The following CLTB variants were observed in gnomAD, a reference collection of about 807,000 sequenced individuals.
CLTB encodes the protein clathrin light chain B, also known as clathrin, light chain (Lcb).
In CLTB, 10 loss-of-function variants were observed where a neutral mutation model predicts 30.5. The observed-to-expected ratio is 0.33, with a 90% CI of 0.20 to 0.56. The LOEUF (loss-of-function observed/expected upper bound fraction) is 0.56. Among genes scored for constraint, CLTB ranks in the 20% least tolerant of loss-of-function variants. The pLI is 0.91. For missense variants in CLTB, 261 were observed against 308.3 expected, an observed-to-expected ratio of 0.85 and a Z score of 1.15; for synonymous variants, 102 against 120.3, an observed-to-expected ratio of 0.85 and a Z score of 1.00.
At chr5:176,399,205 C>T (rs1296468591) in intron 2 of CLTB, among the ~76,000 whole-genome samples, 1 of 152,100 alleles carries the variant, frequency 6.6e-6, no homozygotes, top group Non-Finnish European at 1.5e-5. Flanking sequence ...CATCTCTGTC[C>T]TTTTCACTGC....
rs901744297 is a variant in CLTB at position 176,393,255 on chromosome 5, C to T, written c.519-310G>A. Among the ~76,000 whole-genome samples, 1 of 152,170 alleles carries T rather than the reference C, an allele frequency of 6.6e-6. No homozygotes were observed. The highest frequency in any genetic ancestry group is 2.4e-5 in the African/African-American group (1 of 41,438). The stretch of plus-strand genomic sequence containing the variant: ...TCAGAAAGTCTTCCCAGCCTAGGCA[C>T]CCTCTGTTCATTACTTCCCCATCGG... On this transcript the variant is annotated intron_variant, in intron 5 of 5. Transcript: ENST00000310418. This position sits in a 1 kb window ranked among gnomAD's most constrained non-coding sequence, Gnocchi z 4.4.
intron 2 of CLTB, among the ~76,000 whole-genome samples, chr5:176,404,294 C>G (rs915446058): frequency 6.6e-6 from 1 of 152,214 alleles, no homozygotes; most frequent in African/African-American, 2.4e-5. Context: ...GGTCTCATGG[C>G]CCGCCTTCCT....
chr5:176,411,389 G>A (rs186149556), intron 1 of CLTB, among the ~76,000 whole-genome samples: 107 of 152,136 alleles, frequency 7.0e-4, no homozygotes, highest in African/African-American at 2.5e-3. Context: ...GGCCTATAGC[G>A]CCTACTCCTG....
At chr5:176,410,575 GC>G (rs1757373862) in intron 1 of CLTB, among the ~76,000 whole-genome samples, 1 of 152,172 alleles carries the variant, frequency 6.6e-6, no homozygotes, top group South Asian at 2.1e-4. Context: ...TCAAGCTGAG[GC>G]TCAGAGAGGC....
intron 2 of CLTB, 74 bp from the exon 3 acceptor site, chr5:176,398,121 C>T (rs1452270659): frequency 7.4e-7 from 1 of 1,358,166 alleles, no homozygotes; most frequent in African/African-American, 1.4e-5. Context: ...CTGCTGGGGA[C>T]CCACTCATGT....
intron 1 of CLTB, among the ~76,000 whole-genome samples, chr5:176,412,452 T>C (rs1757493019): frequency 6.6e-6 from 1 of 152,150 alleles, no homozygotes; most frequent in South Asian, 2.1e-4. Flanking sequence ...GAGCAGTAAC[T>C]ATTGGCTAAA....
At chr5:176,401,147 C>T (rs1316567106) in intron 2 of CLTB, among the ~76,000 whole-genome samples, 1 of 152,238 alleles carries the variant, frequency 6.6e-6, no homozygotes, top group East Asian at 1.9e-4. Flanking sequence ...ACTGCTGCTC[C>T]TTTCTGGGAA....
chr5:176,408,227 CTT>C (rs548324556), intron 2 of CLTB, among the ~76,000 whole-genome samples: 30 of 144,162 alleles, frequency 2.1e-4, no homozygotes, highest in African/African-American at 6.1e-4. Flanking sequence ...GGGTTTTCCT[CTT>C]TTTTTTTTTT....
intron 2 of CLTB, among the ~76,000 whole-genome samples, chr5:176,403,049 AT>A (rs34807992): frequency 2.6e-3 from 362 of 137,958 alleles, no homozygotes; most frequent in Admixed American, 3.2e-3. Flanking sequence ...GCCTGCCCTA[AT>A]TTTTTTTTTT....
At chr5:176,402,276 T>A (rs1756861635) in intron 2 of CLTB, among the ~76,000 whole-genome samples, 1 of 152,106 alleles carries the variant, frequency 6.6e-6, no homozygotes, top group East Asian at 1.9e-4. Flanking sequence ...CCAGCCTAGG[T>A]AACAGAGCGA....
At chr5:176,411,306 C>T (rs1757417584) in intron 1 of CLTB, among the ~76,000 whole-genome samples, 1 of 152,184 alleles carries the variant, frequency 6.6e-6, no homozygotes, top group African/African-American at 2.4e-5. Flanking sequence ...CATGCACTTA[C>T]CTGTGCCTCT....
chr5:176,406,732 A>G (rs1353437903), intron 2 of CLTB: 4 of 1,277,632 alleles, frequency 3.1e-6, no homozygotes, highest in Non-Finnish European at 4.1e-6. Context: ...GAAGAAAGGA[A>G]GCACAAAAGC....
chr5:176,409,176 G>A (rs868222945), intron 2 of CLTB, among the ~76,000 whole-genome samples: 3 of 151,174 alleles, frequency 2.0e-5, no homozygotes, highest in Admixed American at 1.3e-4. Context: ...CGGTTTCACC[G>A]TGTTAGCCAG....
rs201872281 is a variant in CLTB, at chr5:176,411,972, C to G, written c.188-1669G>C. Among the ~76,000 whole-genome samples the G allele has an allele frequency of 5.6e-4, 85 of 152,000 alleles. No homozygotes were observed. In the East Asian group the frequency reaches 0.011, roughly 20 times the overall value. ...TGGGCAGATCACGAAGTCAGGAGAT[C>G]GAGACCATCCTGGCTAACACGGTGA... On this transcript the variant is annotated intron_variant, in intron 1 of 5. Coordinates refer to ENST00000310418, the MANE Select transcript of CLTB (RefSeq NM_007097.5).
At chr5:176,414,902 T>C (rs1757621366) in intron 1 of CLTB, among the ~76,000 whole-genome samples, 1 of 152,162 alleles carries the variant, frequency 6.6e-6, no homozygotes, top group Admixed American at 6.5e-5. Context: ...ACACAGTAGG[T>C]GCTCAGTAAA....
rs1335521785 is a variant in CLTB at position 176,410,279 on chromosome 5, G to A, written c.212C>T (p.Thr71Ile). 2 of 1,614,050 alleles carry A rather than the reference G, an allele frequency of 1.2e-6. No individual in the cohort carries two copies. The highest frequency in any genetic ancestry group is 1.7e-5 in the Admixed American group (1 of 60,002). Residue 71 changes from threonine to isoleucine, a missense_variant, in exon 2 of 6, where the codon ACA (threonine) becomes ATA (isoleucine). Coordinates refer to ENST00000310418, the MANE Select transcript of CLTB (RefSeq NM_007097.5). ...TACCTGAAACACATCTCCATTGACT[G>A]TGGTCCCCATGTCCTCAGAACCAGC... The part of the protein sequence containing the change: ...SGAGSEDMGT[T>I]VNGDVFQEAN...
chr5:176,409,404 CCCTTTT>C (rs1331411759), intron 2 of CLTB, among the ~76,000 whole-genome samples: 3 of 136,240 alleles, frequency 2.2e-5, no homozygotes, highest in Non-Finnish European at 4.6e-5. Flanking sequence ...GATCTGATTG[CCCTTTT>C]TTTTTTTTTT....
chr5:176,404,826 T>C (rs1402318449), intron 2 of CLTB, among the ~76,000 whole-genome samples: 1 of 152,086 alleles, frequency 6.6e-6, no homozygotes, highest in African/African-American at 2.4e-5. Flanking sequence ...CACATGCTCT[T>C]CCCTTGGCCT....
intron 2 of CLTB, among the ~76,000 whole-genome samples, chr5:176,409,958 C>T (rs568928443): frequency 2.6e-5 from 4 of 152,168 alleles, no homozygotes; most frequent in Admixed American, 6.5e-5. Flanking sequence ...GAAGGCCTTG[C>T]GCTGCCTTCA....
Sources: gnomAD v4.1 joint callset for allele counts (sites outside exome capture counted in the v4.1 genomes callset) on GRCh38, gnomAD v4.1.1 for gene constraint, Gnocchi (gnomAD v3.1) non-coding constraint, MANE v1.5 for transcripts, NCBI Gene and HGNC (gene_info 2026-07-23, HGNC 2026-07-21) for gene names.